RNLS: variants seen among roughly 807,000 people sequenced by gnomAD.
The protein encoded by RNLS is renalase.
In RNLS, 39 loss-of-function variants were observed where a neutral mutation model predicts 39.8. That is an observed-to-expected ratio of 0.98 (90% CI 0.76 to 1.28). The LOEUF (loss-of-function observed/expected upper bound fraction) is 1.28, where lower values mean the gene tolerates loss of function less well. RNLS is among the 50% of genes most tolerant of loss of function. The probability of loss-of-function intolerance (pLI) is 0.00; values close to 1 mark genes in which losing one functional copy is unlikely to be tolerated. For synonymous variants in RNLS, 147 were observed against 150.7 expected, an observed-to-expected ratio of 0.98 and a Z score of 0.18; for missense variants, 410 against 413.3, an observed-to-expected ratio of 0.99 and a Z score of 0.07.
At chr10:88,564,490 G>A (rs1849381790) in intron 4 of RNLS, among the ~76,000 whole-genome samples, 2 of 152,060 alleles carry the variant, frequency 1.3e-5, no homozygotes, top group Admixed American at 1.3e-4. Context: ...GAGAGATTAG[G>A]AATTCCTGAA....
chr10:88,329,769 T>C (rs1257036300), intron 5 of RNLS, among the ~76,000 whole-genome samples: 1 of 152,094 alleles, frequency 6.6e-6, no homozygotes, highest in Non-Finnish European at 1.5e-5. Flanking sequence ...CTTACATCTG[T>C]GGTTTTTTTG....
In RNLS at chr10:88,464,341, G is replaced by C. The variant is rs138328349; in HGVS notation, c.527-101616C>G. 3.8e-3 allele frequency among the ~76,000 whole-genome samples: 585 copies of C among 152,082 alleles called. 2 individuals are homozygous for C. The highest frequency in any genetic ancestry group is 0.013 in the African/African-American group (556 of 41,500). On this transcript the variant is annotated intron_variant, in intron 4 of 6. Transcript: ENST00000331772. ...TCTGCTTACCATTTTCCTCTTCTTA[G>C]TGTACAAGGGCAACTTTAAAATGTG...
intron 4 of RNLS, among the ~76,000 whole-genome samples, chr10:88,453,195 C>T (rs2133903677): frequency 6.6e-6 from 1 of 152,304 alleles, no homozygotes; most frequent in East Asian, 1.9e-4. Context: ...CCATGGAATA[C>T]TGCCTAAATT....
At chr10:88,203,325 TATATATATATAC>T in the RNLS span, among the ~76,000 whole-genome samples, 1 of 13,220 alleles carries the variant, frequency 7.6e-5, no homozygotes, top group African/African-American at 3.8e-4. Context: ...TATGTATATA[TATATATATATAC>T]ACGTATGTGT....
intron 4 of RNLS, among the ~76,000 whole-genome samples, chr10:88,558,275 C>A (rs545673350): frequency 1.3e-5 from 2 of 152,070 alleles, no homozygotes; most frequent in African/African-American, 4.8e-5. Context: ...AGCTAGAGAG[C>A]CTTAAGCAAG....
intron 4 of RNLS, among the ~76,000 whole-genome samples, chr10:88,374,658 C>T (rs1379293736): frequency 3.3e-5 from 5 of 152,104 alleles, no homozygotes; most frequent in Admixed American, 6.6e-5. Flanking sequence ...TCAAACTTTT[C>T]TCCCCACACT....
chr10:88,326,675 G>C (rs531819009), intron 5 of RNLS, among the ~76,000 whole-genome samples: 11 of 152,294 alleles, frequency 7.2e-5, no homozygotes, highest in African/African-American at 2.6e-4. Flanking sequence ...CCATTTTCTG[G>C]GGAGAAACTC....
chr10:88,202,008 T>C, the RNLS span, among the ~76,000 whole-genome samples: 1 of 152,140 alleles, frequency 6.6e-6, no homozygotes, highest in Non-Finnish European at 1.5e-5. Flanking sequence ...CGTATGTTTA[T>C]TGCAGCACTA....
chr10:88,281,648 T>C (rs1843013326), downstream of RNLS, among the ~76,000 whole-genome samples: 2 of 152,290 alleles, frequency 1.3e-5, no homozygotes, highest in South Asian at 2.1e-4. Context: ...CTGAAAGCTA[T>C]GGCCAGTTTT....
intron 4 of RNLS, among the ~76,000 whole-genome samples, chr10:88,553,850 T>A (rs1346401611): frequency 6.6e-6 from 1 of 152,126 alleles, no homozygotes; most frequent in South Asian, 2.1e-4. Flanking sequence ...TATAATATAC[T>A]TCAAGGTAGA....
At position 88,473,197 on chromosome 10, in the gene RNLS, T is replaced by C. The variant is rs564312642; in HGVS notation, c.526+99706A>G. On this transcript the variant is annotated intron_variant, in intron 4 of 6. Transcript: ENST00000331772. ...CAGTAAAAATATCGTAGGATAATCT[T>C]ATAGGACCACTGACGTATATGTGAT... is the stretch of plus-strand genomic sequence containing the variant. Among the ~76,000 whole-genome samples the C allele has an allele frequency of 4.6e-5, 7 of 152,308 alleles. 1 individual carries two copies. The highest frequency in any genetic ancestry group is 9.6e-5 in the African/African-American group (4 of 41,570).
At chr10:88,394,909 T>C (rs1320345352) in intron 4 of RNLS, among the ~76,000 whole-genome samples, 2 of 152,070 alleles carry the variant, frequency 1.3e-5, no homozygotes, top group Non-Finnish European at 2.9e-5. Flanking sequence ...TGGATGAAAC[T>C]GGAAACAATC....
At chr10:88,562,479 T>G (rs939804399) in intron 4 of RNLS, among the ~76,000 whole-genome samples, 1 of 152,024 alleles carries the variant, frequency 6.6e-6, no homozygotes, top group African/African-American at 2.4e-5. Context: ...GAACAAAGTG[T>G]GGAAGGGCAC....
chr10:88,536,978 A>C (rs745855624), intron 4 of RNLS, among the ~76,000 whole-genome samples: 4 of 152,230 alleles, frequency 2.6e-5, no homozygotes, highest in Non-Finnish European at 5.9e-5. Flanking sequence ...AATGTCAGTG[A>C]ATAAATGAAT....
chr10:88,328,477 G>C (rs1235435569), intron 5 of RNLS, among the ~76,000 whole-genome samples: 3 of 151,770 alleles, frequency 2.0e-5, no homozygotes, highest in Non-Finnish European at 4.4e-5. Flanking sequence ...TTTTTTCTTT[G>C]TATTTGTCCC....
chr10:88,409,615 A>G (rs1321820219), intron 4 of RNLS, among the ~76,000 whole-genome samples: 3 of 152,094 alleles, frequency 2.0e-5, no homozygotes, highest in Admixed American at 1.3e-4. Flanking sequence ...GATTATATAA[A>G]ATAGTGGAGC....
chr10:88,533,798 C>T (rs1847579712), intron 4 of RNLS, among the ~76,000 whole-genome samples: 1 of 152,036 alleles, frequency 6.6e-6, no homozygotes, highest in African/African-American at 2.4e-5. Context: ...CTAAAGTAAC[C>T]ATACACAAGT....
At chr10:88,234,926 G>A in the RNLS span, among the ~76,000 whole-genome samples, 2 of 152,200 alleles carry the variant, frequency 1.3e-5, no homozygotes, top group Middle Eastern at 6.8e-3. Flanking sequence ...TGGAGGGGTG[G>A]ATATATTTGG....
In RNLS at chr10:88,366,663, G is replaced by GAAA. The variant is rs774157650; in HGVS notation, c.527-3941_527-3939dup. 8.9e-3 allele frequency among the ~76,000 whole-genome samples: 231 copies of GAAA among 25,820 alleles called. 38 individuals carry two copies. Among genetic ancestry groups the GAAA allele is most frequent in the African/African-American group, 0.02 (122 of 6,208 alleles). The allele number at this position is 25,820 out of a possible 152,430, so 16.9% of individuals were successfully genotyped here. A position where few individuals can be genotyped will look rare whatever the true frequency, so the allele number is the denominator to read the frequency against. On this transcript the variant is annotated intron_variant, in intron 4 of 6. Coordinates refer to ENST00000331772, the MANE Select transcript of RNLS (RefSeq NM_001031709.3). ...GATTAGGGGAGAAAGTAAGTTTTCTGAAAAAAAAAAAAAAAAAAAAAAAAA... is the reference window on the plus strand; with the variant it reads ...GATTAGGGGAGAAAGTAAGTTTTCTGAAAAAAAAAAAAAAAAAAAAAAAAAAAA...
Sources: gnomAD v4.1 joint callset for allele counts (sites outside exome capture counted in the v4.1 genomes callset) on GRCh38, gnomAD v4.1.1 for gene constraint, MANE v1.5 for transcripts, NCBI Gene and HGNC (gene_info 2026-07-23, HGNC 2026-07-21) for gene names.